The following TCF4 variants were observed in gnomAD, a reference collection of about 807,000 sequenced individuals.
TCF4 encodes SL3-3 enhancer factor 2.
TCF4 carries 3 observed loss-of-function variants against 82.1 expected under a neutral mutation model. The ratio of observed to expected loss-of-function variants is 0.04; its 90% CI spans 0.02 to 0.09. TCF4 has a LOEUF of 0.09. Among genes scored for constraint, TCF4 ranks in the 10% least tolerant of loss-of-function variants. The pLI is 1.00. For synonymous variants in TCF4, 276 were observed against 309.6 expected, an observed-to-expected ratio of 0.89 and a Z score of 1.14; for missense variants, 518 against 852.7, an observed-to-expected ratio of 0.61 and a Z score of 4.89.
At chr18:55,588,196 C>A, upstream of TCF4, 1 of 1,222,256 alleles carries the variant, frequency 8.2e-7, no homozygotes, top group Non-Finnish European at 1.0e-6. Flanking sequence ...GATCCGCAGA[C>A]ACACAGCCAA....
chr18:55,331,092 A>G (rs915062638), intron 8 of TCF4, among the ~76,000 whole-genome samples: 4 of 152,198 alleles, frequency 2.6e-5, no homozygotes, highest in Admixed American at 2.6e-4. Flanking sequence ...TGACCAAGCA[A>G]AACTCCACAC....
intron 3 of TCF4, among the ~76,000 whole-genome samples, chr18:55,535,420 C>T (rs1402908097): frequency 6.6e-6 from 1 of 152,044 alleles, no homozygotes; most frequent in Non-Finnish European, 1.5e-5. Flanking sequence ...GTATAAACAG[C>T]AGTAATGGGA....
chr18:55,243,763 G>C (rs184161576), intron 15 of TCF4, among the ~76,000 whole-genome samples: 1 of 152,248 alleles, frequency 6.6e-6, no homozygotes, highest in East Asian at 1.9e-4. Flanking sequence ...GTAGAGGGCA[G>C]AGTGTCCCAT....
At chr18:55,446,501 G>T (rs1407558730) in intron 5 of TCF4, among the ~76,000 whole-genome samples, 1 of 152,172 alleles carries the variant, frequency 6.6e-6, no homozygotes, top group Non-Finnish European at 1.5e-5. Context: ...AGCAGATCTT[G>T]CTTCAAATCT....
chr18:55,540,980 G>A (rs1321818617), intron 3 of TCF4, among the ~76,000 whole-genome samples: 1 of 151,946 alleles, frequency 6.6e-6, no homozygotes, highest in Non-Finnish European at 1.5e-5. Flanking sequence ...CATTGCTAAG[G>A]TAATTGTGTG....
intron 3 of TCF4, among the ~76,000 whole-genome samples, chr18:55,565,255 G>T (rs982404210): frequency 1.3e-5 from 2 of 150,928 alleles, no homozygotes; most frequent in Non-Finnish European, 2.9e-5. Flanking sequence ...CCAAAAGTAT[G>T]ACAATACACC....
At chr18:55,447,403 T>C (rs773535621) in intron 5 of TCF4, among the ~76,000 whole-genome samples, 3 of 152,130 alleles carry the variant, frequency 2.0e-5, no homozygotes, top group Non-Finnish European at 4.4e-5. Context: ...TCCCCAACTC[T>C]CTGAATTGTA....
chr18:55,499,887 T>G (rs2096678453), intron 3 of TCF4, among the ~76,000 whole-genome samples: 1 of 152,192 alleles, frequency 6.6e-6, no homozygotes, highest in African/African-American at 2.4e-5. Context: ...AATGTCTGCA[T>G]ATTTTAAAAA....
At chr18:55,609,091 G>A (rs2097704798) in intron 2 of TCF4, among the ~76,000 whole-genome samples, 1 of 152,128 alleles carries the variant, frequency 6.6e-6, no homozygotes, top group South Asian at 2.1e-4. Flanking sequence ...CCAGGAAGTG[G>A]GCTGGGCTCT....
chr18:55,285,067 G>A lies in TCF4; in HGVS notation c.550-5411C>T, dbSNP rs58751937. The stretch of plus-strand genomic sequence containing the variant: ...ATGAATGGTTCCAGTGCAGTGATAC[G>A]TCCATATTCAGAAGAGATAAGATGG... On this transcript the variant is annotated intron_variant, in intron 8 of 19. Transcript: ENST00000354452. Among the ~76,000 whole-genome samples, 132 of 152,276 alleles carry A rather than the reference G, an allele frequency of 8.7e-4. 3 individuals carry two copies. In the East Asian group the frequency reaches 0.024, roughly 27 times the overall value.
intron 3 of TCF4, among the ~76,000 whole-genome samples, chr18:55,583,085 A>G (rs2097592400): frequency 3.9e-5 from 6 of 152,112 alleles, no homozygotes. Flanking sequence ...TCTGTACCCT[A>G]CATATTATAA....
chr18:55,608,556 C>A (rs2097704340), intron 2 of TCF4, among the ~76,000 whole-genome samples: 2 of 152,046 alleles, frequency 1.3e-5, no homozygotes, highest in Admixed American at 6.5e-5. Flanking sequence ...ATTTTTGGTT[C>A]CACAAAATTC....
At chr18:55,361,255 C>T (rs1244712781) in intron 6 of TCF4, among the ~76,000 whole-genome samples, 2 of 152,100 alleles carry the variant, frequency 1.3e-5, no homozygotes, top group Non-Finnish European at 2.9e-5. Flanking sequence ...AAATGCTGAG[C>T]CCCCAGCTCC....
chr18:55,432,414 A>T (rs1286385661), intron 5 of TCF4, among the ~76,000 whole-genome samples: 1 of 138,600 alleles, frequency 7.2e-6, no homozygotes, highest in African/African-American at 2.8e-5. Flanking sequence ...GAGAAAACCT[A>T]GCCCCACTGA....
intron 3 of TCF4, among the ~76,000 whole-genome samples, chr18:55,526,939 A>C (rs1372448074): frequency 6.6e-6 from 1 of 152,156 alleles, no homozygotes; most frequent in Admixed American, 6.6e-5. Context: ...ATGAATTCTA[A>C]GTCAAAACTC....
At chr18:55,584,909 G>A (rs2097622468) in intron 3 of TCF4, among the ~76,000 whole-genome samples, 1 of 152,000 alleles carries the variant, frequency 6.6e-6, no homozygotes, top group Admixed American at 6.5e-5. Flanking sequence ...ATTTACAAGG[G>A]ATTTTCCCAT....
At chr18:55,467,335 GCAC>G (rs2096052900) in intron 3 of TCF4, among the ~76,000 whole-genome samples, 1 of 152,048 alleles carries the variant, frequency 6.6e-6, no homozygotes, top group African/African-American at 2.4e-5. Flanking sequence ...CTATTCCAGT[GCAC>G]CACCAAGTGC....
rs1179047467 is a variant in TCF4, at chr18:55,480,305, GC to G, written c.146-16169del. 8.1e-3 allele frequency among the ~76,000 whole-genome samples: 826 copies of G among 101,856 alleles called. 43 individuals carry two copies. Among genetic ancestry groups the G allele is most frequent in the East Asian group, 0.018 (42 of 2,306 alleles). The allele number at this position is 101,856 out of a possible 152,430, so 66.8% of individuals were successfully genotyped here. A position where few individuals can be genotyped will look rare whatever the true frequency, so the allele number is the denominator to read the frequency against. On this transcript the variant is annotated intron_variant, in intron 3 of 19. Coordinates refer to ENST00000354452, the MANE Select transcript of TCF4 (RefSeq NM_001083962.2). ...AAAAAAAAAAAAAAAAAGCGGGGGG[GC>G]GGGGGGAGGATATTATGTGTATTAC...
intron 5 of TCF4, among the ~76,000 whole-genome samples, chr18:55,425,183 G>A (rs140225214): frequency 6.6e-6 from 1 of 152,218 alleles, no homozygotes; most frequent in Non-Finnish European, 1.5e-5. Context: ...GGGTGAGAAA[G>A]TGTCCTACCT....
Sources: gnomAD v4.1 joint callset for allele counts (sites outside exome capture counted in the v4.1 genomes callset) on GRCh38, gnomAD v4.1.1 for gene constraint, MANE v1.5 for transcripts, NCBI Gene and HGNC (gene_info 2026-07-23, HGNC 2026-07-21) for gene names.